ADGRV1: variants seen among roughly 807,000 people sequenced by gnomAD.
ADGRV1 encodes the protein adhesion G protein-coupled receptor V1, also known as G-protein coupled receptor 98.
In ADGRV1, 359 loss-of-function variants were observed where a neutral mutation model predicts 596.2. The observed-to-expected ratio is 0.60, with a 90% confidence interval of 0.55 to 0.66. The LOEUF (loss-of-function observed/expected upper bound fraction) is 0.66. Among genes scored for constraint, ADGRV1 ranks in the 30% least tolerant of loss-of-function variants. The probability of loss-of-function intolerance (pLI) is 0.00; values close to 1 mark genes in which losing one functional copy is unlikely to be tolerated. For missense variants in ADGRV1, 7,274 were observed against 7,575.6 expected, an observed-to-expected ratio of 0.96 and a Z score of 1.48; for synonymous variants, 2,681 against 2,679.2, an observed-to-expected ratio of 1.00 and a Z score of -0.02.
chr5:91,118,922 A>G (rs57687926), intron 87 of ADGRV1, among the ~76,000 whole-genome samples: 5,190 of 152,080 alleles, frequency 0.034, 297 homozygotes, highest in African/African-American at 0.12. Context: ...TGTTTCATCA[A>G]CTAGAACTTA....
At chr5:90,770,354 T>C (rs1401442781) in intron 59 of ADGRV1, among the ~76,000 whole-genome samples, 1 of 152,022 alleles carries the variant, frequency 6.6e-6, no homozygotes, top group Admixed American at 6.6e-5. Context: ...GACGTGGGGA[T>C]TATGGGAGCT....
intron 1 of ADGRV1, among the ~76,000 whole-genome samples, chr5:90,569,377 ATATATATATATTTTTTTTTTTTTTT>A (rs1756146901): frequency 4.6e-5 from 1 of 21,730 alleles, no homozygotes; most frequent in African/African-American, 2.6e-4. Flanking sequence ...ATATATATAT[ATATATATATATTTTTTTTTTTTTTT>A]TTTTTTTTTT....
chr5:90,823,473 A>G lies in ADGRV1; in HGVS notation c.16245A>G (p.Thr5415=). ...KVFWRVTLNK[T]VVVLQKDGVN... The stretch of plus-strand genomic sequence containing the variant: ...TTTGGCGAGTCACACTTAACAAAAC[A>G]GTCGTCGTGCTCCAGAAGGATGGGG... The change falls in exon 76 of 90, where the codon ACA becomes ACG. Residue 5415 remains threonine (T), a synonymous_variant. Transcript: ENST00000405460. 1 of 1,614,002 alleles carries G rather than the reference A, an allele frequency of 6.2e-7. No homozygotes were observed.
At chr5:90,748,201 CA>C (rs1754837677) in intron 52 of ADGRV1, among the ~76,000 whole-genome samples, 1 of 152,094 alleles carries the variant, frequency 6.6e-6, no homozygotes, top group Non-Finnish European at 1.5e-5. Context: ...ATGCAAGGGT[CA>C]GAAGTTTACA....
rs201889075 is a variant in ADGRV1, at chr5:91,022,181, C to CT, written c.18152+36665dup. Among the ~76,000 whole-genome samples the CT allele has an allele frequency of 1.5e-3, 228 of 152,166 alleles. 1 individual carries two copies. In the East Asian group the frequency reaches 0.04, roughly 26 times the overall value. On this transcript the variant is annotated intron_variant, in intron 85 of 89. Coordinates refer to ENST00000405460, the MANE Select transcript of ADGRV1 (RefSeq NM_032119.4). ...CTAGTTAAAATAGCATAATCATTATCTTTTTTCTAGCTTTATCTGCCGGAT... is the reference window on the plus strand; with the variant it reads ...CTAGTTAAAATAGCATAATCATTATCTTTTTTTCTAGCTTTATCTGCCGGAT...
At chr5:90,769,074 T>C (rs1757427504) in intron 59 of ADGRV1, among the ~76,000 whole-genome samples, 1 of 152,152 alleles carries the variant, frequency 6.6e-6, no homozygotes, top group Non-Finnish European at 1.5e-5. Context: ...TTTGACCATG[T>C]GAGAAGGGGT....
intron 1 of ADGRV1, among the ~76,000 whole-genome samples, chr5:90,573,099 A>G (rs1756759775): frequency 7.0e-6 from 1 of 143,428 alleles, no homozygotes; most frequent in South Asian, 2.3e-4. Flanking sequence ...GAGGAAACAC[A>G]ATAAAGTAAT....
intron 29 of ADGRV1, among the ~76,000 whole-genome samples, chr5:90,688,559 G>T (rs1461276407): frequency 6.6e-6 from 1 of 152,138 alleles, no homozygotes. Context: ...ATTTTACCAT[G>T]TTGGCCAGGA....
At position 90,690,988 on chromosome 5, in the gene ADGRV1, A is replaced by C. The variant is rs747072192; in HGVS notation, c.6898A>C (p.Ile2300Leu). Residue 2300 changes from isoleucine to leucine, a missense_variant, in exon 31 of 90, where the codon ATT (isoleucine) becomes CTT (leucine). Ile to Leu is a conservative substitution (Grantham distance 5). Coordinates refer to ENST00000405460, the MANE Select transcript of ADGRV1 (RefSeq NM_032119.4). ...TGTGACCTTTGCCCCTGGGGAAACCATTCAAACCTTGTTGTTAGAGGTCCT... is the reference window on the plus strand; with the variant it reads ...TGTGACCTTTGCCCCTGGGGAAACCCTTCAAACCTTGTTGTTAGAGGTCCT... ...GNVTFAPGET[I>L]QTLLLEVLAD... 1 of 1,613,844 alleles carries C rather than the reference A, an allele frequency of 6.2e-7. No individual in the cohort carries two copies. Among genetic ancestry groups the C allele is most frequent in the Admixed American group, 1.7e-5 (1 of 60,006 alleles).
chr5:90,646,515 G>T (rs1485331548), intron 16 of ADGRV1, among the ~76,000 whole-genome samples: 1 of 151,700 alleles, frequency 6.6e-6, no homozygotes, highest in Non-Finnish European at 1.5e-5. Context: ...TATGCCTAAT[G>T]GATGGCCATA....
chr5:90,564,330 G>C (rs1203616302), intron 1 of ADGRV1, among the ~76,000 whole-genome samples: 3 of 152,198 alleles, frequency 2.0e-5, no homozygotes, highest in Non-Finnish European at 4.4e-5. Context: ...AGGTTGGAGA[G>C]TGTTCTGGAA....
intron 84 of ADGRV1, among the ~76,000 whole-genome samples, chr5:90,975,711 AGGGAG>A (rs976692887): frequency 5.4e-4 from 82 of 152,210 alleles, no homozygotes; most frequent in African/African-American, 1.9e-3. Flanking sequence ...CCTGGGGTCG[AGGGAG>A]GGGTTAGGGA....
intron 17 of ADGRV1, 119 bp from the exon 18 acceptor site, chr5:90,651,485 G>T: frequency 2.4e-6 from 2 of 844,142 alleles, no homozygotes; most frequent in Non-Finnish European, 3.5e-6. Context: ...ATGACCTTCA[G>T]TGAGGAAATT....
At chr5:91,059,975 T>G (rs1787256304) in intron 85 of ADGRV1, among the ~76,000 whole-genome samples, 2 of 152,078 alleles carry the variant, frequency 1.3e-5, no homozygotes, top group South Asian at 4.1e-4. Context: ...TACATTTTTA[T>G]GTACTAACCC....
intron 85 of ADGRV1, among the ~76,000 whole-genome samples, chr5:90,994,872 TCTC>T (rs1781282916): frequency 6.6e-6 from 1 of 152,186 alleles, no homozygotes; most frequent in Non-Finnish European, 1.5e-5. Flanking sequence ...AATGAAGAAA[TCTC>T]CTAGTCTTTG....
chr5:90,800,804 C>A (rs1761282636), intron 70 of ADGRV1, among the ~76,000 whole-genome samples: 1 of 152,108 alleles, frequency 6.6e-6, no homozygotes, highest in Non-Finnish European at 1.5e-5. Context: ...CTGTCATTCT[C>A]AGCAAACTAA....
In ADGRV1 at chr5:90,653,505, A is replaced by G. The variant is rs776663458; in HGVS notation, c.3931A>G (p.Thr1311Ala). The change falls in exon 20 of 90, where the codon ACC (threonine) becomes GCC (alanine). Residue 1311 changes from threonine (T) to alanine (A), a missense_variant. Coordinates refer to ENST00000405460, the MANE Select transcript of ADGRV1 (RefSeq NM_032119.4). Reference protein sequence around the residue: ...DFLLVGIFPTTVHLQQHMRRH... With the variant: ...DFLLVGIFPTAVHLQQHMRRH... The stretch of plus-strand genomic sequence containing the variant: ...TTTACTGGTTGGAATTTTCCCCACC[A>G]CCGTGCATTTACAACAGCACATGCG... 6.2e-6 allele frequency: 10 copies of G among 1,613,800 alleles called. No individual in the cohort carries two copies. In the Admixed American group the frequency reaches 1.0e-4, roughly 16 times the overall value.
intron 83 of ADGRV1, among the ~76,000 whole-genome samples, chr5:90,962,934 A>G (rs1778154662): frequency 6.6e-6 from 1 of 152,220 alleles, no homozygotes; most frequent in Non-Finnish European, 1.5e-5. Flanking sequence ...TAATTGCTTC[A>G]AAGAAAACAT....
chr5:90,859,099 C>T (rs1465207626), intron 82 of ADGRV1, among the ~76,000 whole-genome samples: 1 of 152,164 alleles, frequency 6.6e-6, no homozygotes, highest in African/African-American at 2.4e-5. Flanking sequence ...GCCCAGCAGT[C>T]CCTGACATAT....
Sources: gnomAD v4.1 joint callset for allele counts (sites outside exome capture counted in the v4.1 genomes callset) on GRCh38, gnomAD v4.1.1 for gene constraint, MANE v1.5 for transcripts, NCBI Gene and HGNC (gene_info 2026-07-23, HGNC 2026-07-21) for gene names.